Variants in GRAMD2B observed in about 807,000 individuals in gnomAD.
GRAMD2B encodes the protein GRAM domain containing 2B.
Under a neutral mutation model 59.2 loss-of-function variants are expected in GRAMD2B, and 41 were observed. The observed-to-expected ratio is 0.69, with a 90% CI of 0.54 to 0.90. The LOEUF is 0.90. Among genes scored for constraint, GRAMD2B ranks in the 40% least tolerant of loss-of-function variants. GRAMD2B has a pLI of 0.00. For synonymous variants in GRAMD2B, 161 were observed against 182.7 expected (o/e 0.88, Z 0.96); for missense variants, 424 against 500.5 (o/e 0.85, Z 1.46).
chr5:126,492,065 G>A (rs547313349), intron 13 of GRAMD2B, among the ~76,000 whole-genome samples: 13 of 152,256 alleles, frequency 8.5e-5, no homozygotes, highest in East Asian at 1.9e-4. Context: ...TTTATTCAAC[G>A]GTCATTTACT....
chr5:126,382,967 C>T (rs891531213), intron 1 of GRAMD2B, among the ~76,000 whole-genome samples: 1 of 150,754 alleles, frequency 6.6e-6, no homozygotes, highest in South Asian at 2.1e-4. Context: ...TTTCTCTTCA[C>T]GGATGTAGCC....
upstream of GRAMD2B, among the ~76,000 whole-genome samples, chr5:126,419,377 A>G (rs1759524697): frequency 6.6e-6 from 1 of 152,120 alleles, no homozygotes; most frequent in Admixed American, 6.5e-5. Context: ...ACTTTCAAAC[A>G]ACCAGATCTC....
chr5:126,402,449 G>C (rs1757919828), intron 1 of GRAMD2B, among the ~76,000 whole-genome samples: 4 of 152,026 alleles, frequency 2.6e-5, no homozygotes, highest in Admixed American at 2.6e-4. Context: ...CTTCATTCCA[G>C]GACAACACCA....
intron 5 of GRAMD2B, among the ~76,000 whole-genome samples, chr5:126,473,894 G>A (rs1770085835): frequency 6.6e-6 from 1 of 152,130 alleles, no homozygotes; most frequent in Non-Finnish European, 1.5e-5. Flanking sequence ...CCTAGCCTGG[G>A]TAAGTCAGAC....
intron 1 of GRAMD2B, among the ~76,000 whole-genome samples, chr5:126,443,896 C>A (rs1305845352): frequency 6.6e-6 from 1 of 151,850 alleles, no homozygotes; most frequent in African/African-American, 2.4e-5. Context: ...CTAAAAAATA[C>A]CAAAAATTAG....
At chr5:126,480,296 A>G in intron 6 of GRAMD2B, 160 bp from the exon 7 acceptor site, 1 of 573,378 alleles carries the variant, frequency 1.7e-6, no homozygotes, top group South Asian at 2.4e-5. Context: ...GGAATGGAAT[A>G]AAAATGGAAT....
chr5:126,448,301 C>A (rs1403914951), intron 1 of GRAMD2B, among the ~76,000 whole-genome samples: 1 of 151,938 alleles, frequency 6.6e-6, no homozygotes, highest in Non-Finnish European at 1.5e-5. Flanking sequence ...GGAGGTGACC[C>A]CATCAAGAGC....
intron 13 of GRAMD2B, among the ~76,000 whole-genome samples, chr5:126,491,097 T>C (rs9327410): frequency 0.81 from 122,704 of 152,156 alleles, 49,850 homozygotes; most frequent in East Asian, 0.95. Flanking sequence ...ACATCTCATA[T>C]ATTTACTGGC....
At chr5:126,421,303 T>C (rs1759703389), upstream of GRAMD2B, among the ~76,000 whole-genome samples, 2 of 152,234 alleles carry the variant, frequency 1.3e-5, no homozygotes, top group Non-Finnish European at 2.9e-5. Flanking sequence ...CAGTCTGATC[T>C]GAGCTCTGTA....
rs1765617326 is a variant in GRAMD2B at position 126,452,884 on chromosome 5, G to C, written c.84-12542G>C. Among the ~76,000 whole-genome samples, 3 of 152,052 alleles carry C rather than the reference G, an allele frequency of 2.0e-5. No homozygotes were observed. The South Asian group carries it at 6.2e-4, about 32-fold the overall frequency. On this transcript the variant is annotated intron_variant, in intron 1 of 13. Coordinates refer to ENST00000285689, the MANE Select transcript of GRAMD2B (RefSeq NM_023927.4). ...CAGTTTCTCTAAGTATGTTTTTCTGGACTTTATGCCCTATTCTTTTGCATT... is the reference window on the plus strand; with the variant it reads ...CAGTTTCTCTAAGTATGTTTTTCTGCACTTTATGCCCTATTCTTTTGCATT...
intron 6 of GRAMD2B, 61 bp downstream of exon 6, chr5:126,477,848 C>A: frequency 1.0e-6 from 1 of 960,850 alleles, no homozygotes; most frequent in Non-Finnish European, 1.7e-6. Context: ...GCTCTGCTGC[C>A]TAAGGGGTCT....
At chr5:126,377,361 A>G (rs537401805) in intron 1 of GRAMD2B, among the ~76,000 whole-genome samples, 10 of 152,194 alleles carry the variant, frequency 6.6e-5, no homozygotes, top group East Asian at 3.9e-4. Flanking sequence ...TACAAAGCCA[A>G]TGCAGCTTAA....
At chr5:126,463,923 G>A (rs894848325) in intron 1 of GRAMD2B, among the ~76,000 whole-genome samples, 3 of 152,160 alleles carry the variant, frequency 2.0e-5, no homozygotes, top group Non-Finnish European at 4.4e-5. Flanking sequence ...GGAGGCTGAG[G>A]CAGGAGAATC....
intron 1 of GRAMD2B, among the ~76,000 whole-genome samples, chr5:126,456,365 C>T (rs1045115692): frequency 1.4e-5 from 2 of 145,824 alleles, no homozygotes; most frequent in African/African-American, 5.0e-5. Context: ...TGCACACCAC[C>T]ATACCCGGCT....
At position 126,458,341 on chromosome 5, in the gene GRAMD2B, A is replaced by C. The variant is rs531236045; in HGVS notation, c.84-7085A>C. ...TCCCAGCTACTTAGGAGGCTGAGAC[A>C]AGAGAATCACTTGAACCTGGGAGGC... On this transcript the variant is annotated intron_variant, in intron 1 of 13. Coordinates refer to ENST00000285689, the MANE Select transcript of GRAMD2B (RefSeq NM_023927.4). Among the ~76,000 whole-genome samples, 3 of 152,186 alleles carry C rather than the reference A, an allele frequency of 2.0e-5. No homozygotes were observed. In the South Asian group the frequency reaches 6.2e-4, roughly 32 times the overall value.
At chr5:126,392,061 C>G (rs1756854833) in intron 1 of GRAMD2B, among the ~76,000 whole-genome samples, 1 of 152,176 alleles carries the variant, frequency 6.6e-6, no homozygotes, top group South Asian at 2.1e-4. Context: ...ACTGACATGC[C>G]TTTGCTAAAC....
chr5:126,388,092 G>C (rs1453619451), intron 1 of GRAMD2B, among the ~76,000 whole-genome samples: 1 of 152,142 alleles, frequency 6.6e-6, no homozygotes, highest in East Asian at 1.9e-4. Context: ...CAATTTTCAG[G>C]CCTGGCACAG....
At chr5:126,483,341 T>C in intron 8 of GRAMD2B, 122 bp from the exon 9 acceptor site, 1 of 503,898 alleles carries the variant, frequency 2.0e-6, no homozygotes, top group South Asian at 3.8e-5. Flanking sequence ...TCGTATGGAG[T>C]AATCCTTCCT....
rs1050559499 is a variant in GRAMD2B at position 126,447,495 on chromosome 5, T to C, written c.84-17931T>C. Among the ~76,000 whole-genome samples the C allele has an allele frequency of 3.9e-5, 6 of 152,028 alleles. No homozygotes were observed. The East Asian group carries it at 7.8e-4, about 20-fold the overall frequency. The stretch of plus-strand genomic sequence containing the variant: ...CGATAACACGGTGAAACCCCGTCTC[T>C]ACTAAAAAAATACAAAAAATTAGCC... On this transcript the variant is annotated intron_variant, in intron 1 of 13. Coordinates refer to ENST00000285689, the MANE Select transcript of GRAMD2B (RefSeq NM_023927.4).
Sources: gnomAD v4.1 joint callset for allele counts (sites outside exome capture counted in the v4.1 genomes callset) on GRCh38, gnomAD v4.1.1 for gene constraint, MANE v1.5 for transcripts, NCBI Gene and HGNC (gene_info 2026-07-23, HGNC 2026-07-21) for gene names.